Variants in NALCN observed in about 807,000 individuals in gnomAD.
NALCN encodes the protein sodium leak channel NALCN.
A neutral mutation model predicts 225.3 loss-of-function variants in NALCN; 111 were observed. The observed-to-expected ratio is 0.49, with a 90% CI of 0.42 to 0.58. The LOEUF is 0.58. NALCN is among the 20% of genes least tolerant of loss of function. The pLI is 0.00. For synonymous variants in NALCN, 764 were observed against 769.0 expected, an observed-to-expected ratio of 0.99 and a Z score of 0.11; for missense variants, 1,378 against 2,202.4, an observed-to-expected ratio of 0.63 and a Z score of 7.49.
chr13:101,138,236 A>G (rs1029159972), intron 17 of NALCN, among the ~76,000 whole-genome samples: 1 of 152,246 alleles, frequency 6.6e-6, no homozygotes, highest in African/African-American at 2.4e-5. Flanking sequence ...AGCCCAGAGA[A>G]TAGCAGATGA....
At chr13:101,076,281 T>C (rs568808054) in intron 34 of NALCN, among the ~76,000 whole-genome samples, 137 of 152,226 alleles carry the variant, frequency 9.0e-4, no homozygotes, top group African/African-American at 3.2e-3. Context: ...TCAACTGACA[T>C]AGGAGGTAAA....
chr13:101,306,972 G>A (rs1364953148), intron 7 of NALCN, among the ~76,000 whole-genome samples: 1 of 152,156 alleles, frequency 6.6e-6, no homozygotes, highest in Non-Finnish European at 1.5e-5. Flanking sequence ...GCTCTGAGAT[G>A]CCTTCAGTCC....
rs575970281 is a variant in NALCN, at chr13:101,183,828, G to C, written c.1765-7454C>G. On this transcript the variant is annotated intron_variant, in intron 14 of 43. Coordinates refer to ENST00000251127, the MANE Select transcript of NALCN (RefSeq NM_052867.4). ...TTTTTTTTAATGATATAATTTCAGG[G>C]GAAAAAGGCTAATGACACCACCTTT... is the stretch of plus-strand genomic sequence containing the variant. Among the ~76,000 whole-genome samples the C allele has an allele frequency of 5.7e-4, 86 of 152,068 alleles. 1 individual carries two copies. Among genetic ancestry groups the C allele is most frequent in the African/African-American group, 2.1e-3 (86 of 41,470 alleles).
At chr13:101,210,493 T>C (rs1371226045) in intron 13 of NALCN, among the ~76,000 whole-genome samples, 1 of 152,194 alleles carries the variant, frequency 6.6e-6, no homozygotes, top group Non-Finnish European at 1.5e-5. Flanking sequence ...AAATAACTTG[T>C]CGGTTTGTCT....
Position 101,103,286 on chromosome 13 carries a change from T to C in NALCN, c.2943A>G (p.Gly981=), listed in dbSNP as rs1436436193. 6.2e-7 allele frequency: 1 copy of C among 1,613,838 alleles called. No homozygotes were observed. Among genetic ancestry groups the C allele is most frequent in the Non-Finnish European group, 8.5e-7 (1 of 1,179,860 alleles). The change falls in exon 26 of 44, where the codon GGA becomes GGG. Residue 981 remains glycine, a synonymous_variant. Coordinates refer to ENST00000251127, the MANE Select transcript of NALCN (RefSeq NM_052867.4). Reference sequence around the variant, plus strand: ...ACCGAAGGACCATTAGAAGCTGAGCTCCCGATTCAGCAGGTACATTTTGAG... The same window carrying C: ...ACCGAAGGACCATTAGAAGCTGAGCCCCCGATTCAGCAGGTACATTTTGAG... The part of the protein sequence containing the change: ...WMPQNVPAES[G]AQLLMVLRCL...
chr13:101,076,058 T>C, intron 34 of NALCN, 117 bp from the exon 35 acceptor site: 2 of 697,696 alleles, frequency 2.9e-6, no homozygotes, highest in Non-Finnish European at 4.4e-6. Flanking sequence ...GTGTAAATTA[T>C]TATAAGAAAG....
At chr13:101,145,628 T>G (rs1201008658) in intron 15 of NALCN, among the ~76,000 whole-genome samples, 3 of 152,204 alleles carry the variant, frequency 2.0e-5, no homozygotes, top group Non-Finnish European at 4.4e-5. Context: ...AAAGGTGGAC[T>G]GTGGCTTCCA....
At chr13:101,412,483 G>T (rs2047818338) in intron 1 of NALCN, among the ~76,000 whole-genome samples, 1 of 152,168 alleles carries the variant, frequency 6.6e-6, no homozygotes, top group African/African-American at 2.4e-5. Context: ...GACCTGTGGG[G>T]TCAGTCCCTG....
intron 15 of NALCN, among the ~76,000 whole-genome samples, chr13:101,169,086 C>G (rs977204580): frequency 1.3e-5 from 2 of 152,162 alleles, no homozygotes; most frequent in African/African-American, 4.8e-5. Context: ...ATCATCACCA[C>G]TGAACCCAAA....
intron 2 of NALCN, 62 bp downstream of exon 2, chr13:101,398,957 T>C (rs1427095115): frequency 9.4e-7 from 1 of 1,066,108 alleles, no homozygotes; most frequent in East Asian, 2.4e-5. Flanking sequence ...GATATTTGAA[T>C]TTGTCAATCA....
chr13:101,384,048 A>G (rs1055081412), intron 3 of NALCN, among the ~76,000 whole-genome samples: 1 of 152,210 alleles, frequency 6.6e-6, no homozygotes, highest in African/African-American at 2.4e-5. Context: ...TTATCAAATT[A>G]TCGTCAGAAG....
Position 101,265,218 on chromosome 13 carries a change from T to C in NALCN, c.1135-6644A>G, listed in dbSNP as rs147865606. Among the ~76,000 whole-genome samples the C allele has an allele frequency of 3.4e-3, 512 of 152,280 alleles. 3 individuals carry two copies. The highest frequency in any genetic ancestry group is 0.011 in the African/African-American group (467 of 41,566). On this transcript the variant is annotated intron_variant, in intron 10 of 43. Transcript: ENST00000251127. ...AAACTGTCTTGTATACCAGCTCAAA[T>C]CACCTTCTATGAAACATGATTGTAT...
chr13:101,358,004 C>A (rs1001466332), intron 6 of NALCN, among the ~76,000 whole-genome samples: 1 of 151,952 alleles, frequency 6.6e-6, no homozygotes, highest in South Asian at 2.1e-4. Flanking sequence ...TAAAACTGGA[C>A]CCCTTATACC....
In NALCN at chr13:101,054,300, T is replaced by G. The variant is rs988466822; in HGVS notation, c.*995A>C. ...CAAAGGAAGATTTTGCAGGGCACCA[T>G]TATTTCCATAGAAGATTCTTTTAAC... On this transcript the variant is annotated 3_prime_UTR_variant, in exon 44 of 44. Coordinates refer to ENST00000251127, the MANE Select transcript of NALCN (RefSeq NM_052867.4). 1 of 152,168 alleles carries G rather than the reference T, an allele frequency of 6.6e-6. No individual in the cohort carries two copies. The highest frequency in any genetic ancestry group is 2.4e-5 in the African/African-American group (1 of 41,470). The allele number at this position is 152,168 out of a possible 1,614,324, so 9.4% of individuals were successfully genotyped here. A position where few individuals can be genotyped will look rare whatever the true frequency, so the allele number is the denominator to read the frequency against.
At chr13:101,115,181 C>T (rs1566829804) in intron 18 of NALCN, among the ~76,000 whole-genome samples, 2 of 151,962 alleles carry the variant, frequency 1.3e-5, no homozygotes, top group East Asian at 1.9e-4. Flanking sequence ...GTTAAATAAT[C>T]TTAATTTTAT....
intron 7 of NALCN, among the ~76,000 whole-genome samples, chr13:101,300,785 A>G (rs1258089697): frequency 6.6e-6 from 1 of 152,224 alleles, no homozygotes; most frequent in African/African-American, 2.4e-5. Context: ...TAAAGCAAAA[A>G]CCACATTTTT....
intron 15 of NALCN, among the ~76,000 whole-genome samples, chr13:101,168,588 C>T (rs2038566083): frequency 1.3e-5 from 2 of 152,170 alleles, no homozygotes. Context: ...TTTCGATATT[C>T]TCTCATTCCT....
rs1352728671 is a variant in NALCN at position 101,089,372 on chromosome 13, T to C, written c.3489+291A>G. On this transcript the variant is annotated intron_variant, in intron 30 of 43. Coordinates refer to ENST00000251127, the MANE Select transcript of NALCN (RefSeq NM_052867.4). This position sits in a 1 kb window ranked among gnomAD's most constrained non-coding sequence, Gnocchi z 4.7. ...CTTTCATCTATTGTATTTTAATAAC[T>C]TGCTGCCCATCTTTCTTTTCAATTT... is the stretch of plus-strand genomic sequence containing the variant. Among the ~76,000 whole-genome samples the C allele has an allele frequency of 6.6e-6, 1 of 152,228 alleles. No homozygotes were observed. Among genetic ancestry groups the C allele is most frequent in the Non-Finnish European group, 1.5e-5 (1 of 68,032 alleles).
At chr13:101,056,197 C>T (rs561474194) in intron 43 of NALCN, among the ~76,000 whole-genome samples, 9 of 150,520 alleles carry the variant, frequency 6.0e-5, no homozygotes, top group African/African-American at 1.7e-4. Flanking sequence ...GTCTATTTCA[C>T]GATCACCGTT....
Sources: allele counts gnomAD v4.1 joint callset (sites outside exome capture counted in the v4.1 genomes callset), GRCh38; gene constraint gnomAD v4.1.1; non-coding constraint Gnocchi (gnomAD v3.1); transcripts MANE v1.5; gene names NCBI Gene and HGNC (gene_info 2026-07-23, HGNC 2026-07-21).